Variants in SPON1 observed in about 807,000 individuals in gnomAD.
The protein encoded by SPON1 is spondin-1.
Under a neutral mutation model 111.7 loss-of-function variants are expected in SPON1, and 52 were observed. The ratio of observed to expected loss-of-function variants is 0.47; its 90% CI spans 0.37 to 0.59. SPON1 has a LOEUF of 0.59. Among genes scored for constraint, SPON1 ranks in the 20% least tolerant of loss-of-function variants. The pLI is 0.00. For synonymous variants in SPON1, 410 were observed against 395.8 expected (o/e 1.04, Z -0.43); for missense variants, 957 against 1,068.5 (o/e 0.90, Z 1.46).
At chr11:14,156,813 G>A (rs755351785) in intron 6 of SPON1, among the ~76,000 whole-genome samples, 1 of 151,976 alleles carries the variant, frequency 6.6e-6, no homozygotes, top group African/African-American at 2.4e-5. Flanking sequence ...GTAGATATGC[G>A]GCATTATTTC....
intron 5 of SPON1, among the ~76,000 whole-genome samples, chr11:14,112,154 T>G (rs1216095876): frequency 6.6e-6 from 1 of 150,520 alleles, no homozygotes; most frequent in African/African-American, 2.4e-5. Flanking sequence ...GACCAAAGCC[T>G]TACATTGACC....
chr11:14,135,448 C>T lies in SPON1; in HGVS notation c.705C>T (p.Ile235=), dbSNP rs201227906. 318 of 1,613,166 alleles carry T rather than the reference C, an allele frequency of 2.0e-4. No individual in the cohort carries two copies. Among genetic ancestry groups the T allele is most frequent in the Non-Finnish European group, 2.4e-4 (287 of 1,179,268 alleles). ...PRRANHWSAI[I]GGSHSKNYVL... ...GGGCCAACCACTGGTCTGCGATCAT[C>T]GGAGGATCCCACTCCAAGAATTATG... is the stretch of plus-strand genomic sequence containing the variant. Residue 235 remains isoleucine (I), a synonymous_variant, in exon 6 of 16, where the codon ATC becomes ATT. Transcript: ENST00000576479. This position sits in a 1 kb window ranked among gnomAD's most constrained non-coding sequence, Gnocchi z 4.4.
chr11:14,059,705 G>A (rs1290856443), intron 3 of SPON1, among the ~76,000 whole-genome samples: 10 of 152,202 alleles, frequency 6.6e-5, no homozygotes, highest in Non-Finnish European at 1.5e-4. Flanking sequence ...ACTGGCTGGG[G>A]AAGAGTGTGG....
intron 3 of SPON1, among the ~76,000 whole-genome samples, chr11:14,051,315 G>A (rs929240412): frequency 3.3e-5 from 5 of 152,230 alleles, no homozygotes; most frequent in East Asian, 3.9e-4. Flanking sequence ...TGGGAGGATC[G>A]TTTGAGTCCA....
chr11:14,089,676 C>T (rs1170483457), intron 5 of SPON1, among the ~76,000 whole-genome samples: 1 of 152,058 alleles, frequency 6.6e-6, no homozygotes, highest in African/African-American at 2.4e-5. Context: ...TGGTAGAATC[C>T]TCCTTGTCAG....
chr11:14,002,745 G>A (rs1377211283), intron 2 of SPON1, among the ~76,000 whole-genome samples: 1 of 152,154 alleles, frequency 6.6e-6, no homozygotes, highest in Non-Finnish European at 1.5e-5. Context: ...AAACACAGTA[G>A]AAGATAGGGG....
chr11:14,042,836 C>A (rs1204616451), intron 3 of SPON1, among the ~76,000 whole-genome samples: 3 of 152,162 alleles, frequency 2.0e-5, no homozygotes, highest in African/African-American at 4.8e-5. Flanking sequence ...ATGGAAAAAA[C>A]CCCACAGAAT....
chr11:14,258,069 C>T (rs1554941430), intron 11 of SPON1, among the ~76,000 whole-genome samples, 171 bp downstream of exon 11: 1 of 152,240 alleles, frequency 6.6e-6, no homozygotes, highest in African/African-American at 2.4e-5. Context: ...GGGCTCTGAA[C>T]ACAGAATCTC....
At chr11:13,966,565 G>T (rs1848017798) in intron 1 of SPON1, among the ~76,000 whole-genome samples, 2 of 152,232 alleles carry the variant, frequency 1.3e-5, no homozygotes, top group Admixed American at 1.3e-4. Flanking sequence ...GATGGGAAAA[G>T]AATGTCCAGT....
chr11:14,023,741 C>G (rs1157775339), intron 2 of SPON1, among the ~76,000 whole-genome samples: 1 of 152,172 alleles, frequency 6.6e-6, no homozygotes, highest in Non-Finnish European at 1.5e-5. Flanking sequence ...CGGTGGCTCA[C>G]GCCTGTAATC....
chr11:14,257,812 T>A lies in SPON1; in HGVS notation c.1406T>A (p.Met469Lys). 1 of 1,609,694 alleles carries A rather than the reference T, an allele frequency of 6.2e-7. No individual in the cohort carries two copies. Among genetic ancestry groups the A allele is most frequent in the Non-Finnish European group, 8.5e-7 (1 of 1,178,078 alleles). Residue 469 changes from methionine to lysine, a missense_variant, in exon 11 of 16, where the codon ATG becomes AAG. Physicochemically the swap from Met to Lys is moderately conservative, Grantham distance 95 (BLOSUM62 -1). Coordinates refer to ENST00000576479, the MANE Select transcript of SPON1 (RefSeq NM_006108.4). ...CDKGKRMRQRMLKAQLDLSVP... is the reference protein window; with the variant it reads ...CDKGKRMRQRKLKAQLDLSVP... ...AAAGGCAAGAGGATGCGACAGCGCA[T>A]GCTGAAAGCACAGCTGGACCTCAGC...
intron 3 of SPON1, among the ~76,000 whole-genome samples, chr11:14,042,781 G>A (rs1371743585): frequency 6.6e-6 from 1 of 152,136 alleles, no homozygotes; most frequent in Non-Finnish European, 1.5e-5. Flanking sequence ...GCCCACCTAG[G>A]CATCGCAATA....
chr11:14,199,995 C>G (rs1254558676), intron 6 of SPON1, among the ~76,000 whole-genome samples: 3 of 152,204 alleles, frequency 2.0e-5, no homozygotes, highest in African/African-American at 7.2e-5. Context: ...ATGCCCCATG[C>G]GTTTTTACAC....
chr11:14,091,021 T>G (rs1309330895), intron 5 of SPON1, among the ~76,000 whole-genome samples: 2 of 151,986 alleles, frequency 1.3e-5, no homozygotes, highest in Admixed American at 1.3e-4. Flanking sequence ...AGACACAGCG[T>G]GTCGATTGGT....
chr11:14,258,462 T>C (rs1164562849), intron 11 of SPON1, among the ~76,000 whole-genome samples: 1 of 152,264 alleles, frequency 6.6e-6, no homozygotes, highest in Admixed American at 6.5e-5. Flanking sequence ...ACTAAGCTGA[T>C]TGCTGTGCAA....
intron 6 of SPON1, among the ~76,000 whole-genome samples, chr11:14,229,489 G>C (rs782792089): frequency 6.6e-6 from 1 of 152,156 alleles, no homozygotes; most frequent in Non-Finnish European, 1.5e-5. Flanking sequence ...TGACAGAAGC[G>C]GAGTGGAGAG....
chr11:14,222,137 T>C (rs1165504465), intron 6 of SPON1, among the ~76,000 whole-genome samples: 2 of 152,228 alleles, frequency 1.3e-5, no homozygotes, highest in South Asian at 4.1e-4. Flanking sequence ...GACAAAGCTT[T>C]GTGTAAGTAC....
At chr11:14,054,059 C>G (rs1848726792) in intron 3 of SPON1, among the ~76,000 whole-genome samples, 1 of 152,098 alleles carries the variant, frequency 6.6e-6, no homozygotes, top group African/African-American at 2.4e-5. Flanking sequence ...CAAAGAATAC[C>G]CAACCTAAAG....
intron 1 of SPON1, among the ~76,000 whole-genome samples, chr11:13,980,480 C>T (rs1848135770): frequency 6.6e-6 from 1 of 152,100 alleles, no homozygotes; most frequent in African/African-American, 2.4e-5. Flanking sequence ...GTTGGTGGCT[C>T]AAGAGCAGCC....
Sources: allele counts gnomAD v4.1 joint callset (sites outside exome capture counted in the v4.1 genomes callset), GRCh38; gene constraint gnomAD v4.1.1; non-coding constraint Gnocchi (gnomAD v3.1); transcripts MANE v1.5; gene names NCBI Gene and HGNC (gene_info 2026-07-23, HGNC 2026-07-21).